The following APBB1IP variants were observed in gnomAD, a reference collection of about 807,000 sequenced individuals.
APBB1IP encodes amyloid beta precursor protein binding family B member 1 interacting protein.
Under a neutral mutation model 64.9 loss-of-function variants are expected in APBB1IP, and 27 were observed. The ratio of observed to expected loss-of-function variants is 0.42; its 90% CI spans 0.31 to 0.57. The LOEUF (loss-of-function observed/expected upper bound fraction) is 0.57, where lower values mean the gene tolerates loss of function less well. Among genes scored for constraint, APBB1IP ranks in the 20% least tolerant of loss-of-function variants. The probability of loss-of-function intolerance (pLI) is 0.20; values close to 1 mark genes in which losing one functional copy is unlikely to be tolerated. For synonymous variants in APBB1IP, 392 were observed against 331.0 expected, an observed-to-expected ratio of 1.18 and a Z score of -2.00; for missense variants, 812 against 845.5, an observed-to-expected ratio of 0.96 and a Z score of 0.49.
chr10:26,483,887 A>G (rs1196445875), intron 2 of APBB1IP, among the ~76,000 whole-genome samples: 2 of 151,848 alleles, frequency 1.3e-5, no homozygotes, highest in African/African-American at 4.8e-5. Flanking sequence ...TAATTTTTTT[A>G]TTTTTTGTAG....
At chr10:26,480,378 G>T (rs112012117) in intron 2 of APBB1IP, among the ~76,000 whole-genome samples, 5 of 152,206 alleles carry the variant, frequency 3.3e-5, no homozygotes, top group African/African-American at 1.2e-4. Context: ...CAAGTGAGAA[G>T]CCCTGAAATG....
chr10:26,527,669 T>A (rs994552335), intron 8 of APBB1IP, among the ~76,000 whole-genome samples: 22 of 151,132 alleles, frequency 1.5e-4, no homozygotes, highest in African/African-American at 5.3e-4. Context: ...AGACTTAGAT[T>A]TAGGTAGGTC....
intron 11 of APBB1IP, among the ~76,000 whole-genome samples, chr10:26,556,029 T>G (rs1295849006): frequency 6.6e-6 from 1 of 152,228 alleles, no homozygotes; most frequent in Non-Finnish European, 1.5e-5. Flanking sequence ...TCTCTCACCC[T>G]GTTTTCTCAT....
At chr10:26,506,845 A>G (rs1297239682) in intron 6 of APBB1IP, among the ~76,000 whole-genome samples, 3 of 152,128 alleles carry the variant, frequency 2.0e-5, no homozygotes, top group Admixed American at 6.6e-5. Flanking sequence ...AAGAAAATAA[A>G]CCAGGAAGAA....
At chr10:26,552,613 T>TGAAA (rs1264589311) in intron 11 of APBB1IP, among the ~76,000 whole-genome samples, 2 of 130,132 alleles carry the variant, frequency 1.5e-5, no homozygotes, top group African/African-American at 5.8e-5. Flanking sequence ...AAGAAAGGAA[T>TGAAA]GAAAGAAAGA....
rs1004546028 is a variant in APBB1IP at position 26,471,429 on chromosome 10, C to T, written c.1-20898C>T. 2.0e-5 allele frequency among the ~76,000 whole-genome samples: 3 copies of T among 152,208 alleles called. No homozygotes were observed. In the East Asian group the frequency reaches 5.8e-4, roughly 29 times the overall value. On this transcript the variant is annotated intron_variant, in intron 2 of 14. Coordinates refer to ENST00000376236, the MANE Select transcript of APBB1IP (RefSeq NM_019043.4). ...CAGTTCCTTTCTTGCTTCCAAATAA[C>T]AGAGTGAAAAATATTGTCAGTAGCA...
chr10:26,536,720 C>A (rs979566784), intron 10 of APBB1IP, among the ~76,000 whole-genome samples: 3 of 123,392 alleles, frequency 2.4e-5, no homozygotes, highest in Non-Finnish European at 3.3e-5. Context: ...GCCCACCCCC[C>A]ACCCCCCGCC....
chr10:26,476,077 T>C (rs1190955793), intron 2 of APBB1IP, among the ~76,000 whole-genome samples: 1 of 149,548 alleles, frequency 6.7e-6, no homozygotes, highest in African/African-American at 2.5e-5. Flanking sequence ...TTTTTTTTTT[T>C]TGAGAGAGTC....
At position 26,504,575 on chromosome 10, in the gene APBB1IP, C is replaced by T. The variant is rs564197656; in HGVS notation, c.531+1301C>T. On this transcript the variant is annotated intron_variant, in intron 6 of 14. Transcript: ENST00000376236. Reference sequence around the variant, plus strand: ...AAGTACAAAAATTAGCTGGACGCAGCGGTGTGCATCTGTAATCCCAGCTAC... The same window carrying T: ...AAGTACAAAAATTAGCTGGACGCAGTGGTGTGCATCTGTAATCCCAGCTAC... 9.2e-5 allele frequency among the ~76,000 whole-genome samples: 14 copies of T among 151,930 alleles called. No homozygotes were observed. The South Asian group carries it at 2.3e-3, about 25-fold the overall frequency.
At chr10:26,535,780 G>C (rs893101783) in intron 9 of APBB1IP, among the ~76,000 whole-genome samples, 3 of 152,078 alleles carry the variant, frequency 2.0e-5, no homozygotes, top group African/African-American at 7.2e-5. Flanking sequence ...ATGAAGTTGG[G>C]CTATTATTAT....
At chr10:26,553,774 C>A (rs975747280) in intron 11 of APBB1IP, among the ~76,000 whole-genome samples, 2 of 152,222 alleles carry the variant, frequency 1.3e-5, no homozygotes, top group Non-Finnish European at 2.9e-5. Flanking sequence ...CTTCTCCCTG[C>A]ACCTCTGTGG....
rs376752930 is a variant in APBB1IP at position 26,487,356 on chromosome 10, T to A, written c.1-4971T>A. On this transcript the variant is annotated intron_variant, in intron 2 of 14. Transcript: ENST00000376236. ...AACTCTTGTCTGTCCATTTCAATAA[T>A]AAGGTTTTCTTGCAGGGAGGTCAAT... is the stretch of plus-strand genomic sequence containing the variant. Among the ~76,000 whole-genome samples the A allele has an allele frequency of 1.2e-4, 19 of 152,320 alleles. No individual in the cohort carries two copies. In the East Asian group the frequency reaches 3.5e-3, roughly 28 times the overall value.
intron 11 of APBB1IP, among the ~76,000 whole-genome samples, chr10:26,544,053 G>A (rs576872134): frequency 6.6e-6 from 1 of 152,280 alleles, no homozygotes; most frequent in South Asian, 2.1e-4. Context: ...GCCAGGAAGT[G>A]GCCAAGTCAG....
At chr10:26,450,327 C>G (rs897232176) in intron 2 of APBB1IP, among the ~76,000 whole-genome samples, 2 of 152,166 alleles carry the variant, frequency 1.3e-5, no homozygotes, top group African/African-American at 4.8e-5. Flanking sequence ...TAAATCCCCC[C>G]TAGAAGTTAC....
intron 2 of APBB1IP, among the ~76,000 whole-genome samples, chr10:26,489,062 C>T (rs745488971): frequency 6.6e-6 from 1 of 152,348 alleles, no homozygotes; most frequent in Admixed American, 6.5e-5. Context: ...AGTTTTACAA[C>T]TTCCCATGCT....
intron 11 of APBB1IP, among the ~76,000 whole-genome samples, chr10:26,554,237 G>A (rs1442618893): frequency 2.0e-5 from 3 of 152,158 alleles, no homozygotes; most frequent in African/African-American, 7.2e-5. Flanking sequence ...ACAAACTGCT[G>A]GTAACTAGAT....
chr10:26,454,498 T>G (rs1835500214), intron 2 of APBB1IP, among the ~76,000 whole-genome samples: 1 of 150,930 alleles, frequency 6.6e-6, no homozygotes, highest in African/African-American at 2.4e-5. Flanking sequence ...AAAAAATAAA[T>G]AAATAAAAAA....
intron 11 of APBB1IP, among the ~76,000 whole-genome samples, chr10:26,547,716 A>T (rs1213848055): frequency 6.6e-6 from 1 of 152,146 alleles, no homozygotes; most frequent in Non-Finnish European, 1.5e-5. Context: ...AAGTGCTGGG[A>T]TTACAGGCAT....
chr10:26,438,902 C>T (rs1835309334), intron 2 of APBB1IP, 49 bp downstream of exon 2: 2 of 152,144 alleles, frequency 1.3e-5, no homozygotes, highest in Non-Finnish European at 2.9e-5. Flanking sequence ...CAGCACGGGC[C>T]CCTCGGGGCT....
Sources: allele counts gnomAD v4.1 joint callset (sites outside exome capture counted in the v4.1 genomes callset), GRCh38; gene constraint gnomAD v4.1.1; transcripts MANE v1.5; gene names NCBI Gene and HGNC (gene_info 2026-07-23, HGNC 2026-07-21).